Variants in SH2D3C observed in about 807,000 individuals in gnomAD.
SH2D3C encodes SH2 domain containing 3C, also known as SH2 domain-containing protein 3C.
In SH2D3C, 25 loss-of-function variants were observed where a neutral mutation model predicts 75.2. That is an observed-to-expected ratio of 0.33 (90% CI 0.24 to 0.46). SH2D3C has a LOEUF of 0.46. Among genes scored for constraint, SH2D3C ranks in the 20% least tolerant of loss-of-function variants. The pLI is 1.00. For missense variants in SH2D3C, 933 were observed against 1,165.3 expected (o/e 0.80, Z 2.90); for synonymous variants, 450 against 473.7 (o/e 0.95, Z 0.65).
Position 127,754,793 on chromosome 9 carries a change from C to A in SH2D3C, c.556-3493G>T. The A allele has an allele frequency of 2.1e-6, 1 of 479,906 alleles. No individual in the cohort carries two copies. Among genetic ancestry groups the A allele is most frequent in the South Asian group, 1.5e-5 (1 of 64,536 alleles). 29.7% of individuals were successfully genotyped at this position (479,906 alleles called of 1,614,324 possible). On this transcript the variant is annotated intron_variant, in intron 3 of 11. Transcript: ENST00000314830. The surrounding 1 kb of genome is among the most constrained non-coding windows in gnomAD (Gnocchi z 4.4). ...CGGAGACCCCATCTCCCAGTCCCCC[C>A]TGCCCCAGCTCTCTCCCTCCTGCGG...
In SH2D3C at chr9:127,749,108, C is replaced by T; in HGVS notation, c.1139+103G>A. ...CATTCCTCCCTGCACACAGAGGCTC[C>T]AGGAGAGTAATTTCATCCCATTTCA... On this transcript the variant is annotated intron_variant, in intron 5 of 11. Coordinates refer to ENST00000314830, the MANE Select transcript of SH2D3C (RefSeq NM_170600.3). This position sits in a 1 kb window ranked among gnomAD's most constrained non-coding sequence, Gnocchi z 5.9. 1.1e-6 allele frequency: 1 copy of T among 884,576 alleles called. No homozygotes were observed. Among genetic ancestry groups the T allele is most frequent in the Non-Finnish European group, 1.7e-6 (1 of 574,640 alleles). The allele number at this position is 884,576 out of a possible 1,614,324, so 54.8% of individuals were successfully genotyped here.
intron 3 of SH2D3C, among the ~76,000 whole-genome samples, chr9:127,753,092 G>C (rs4837180): frequency 6.6e-6 from 1 of 152,080 alleles, no homozygotes; most frequent in Non-Finnish European, 1.5e-5. Flanking sequence ...GGGCTGTGGG[G>C]GCAGGGGCAG....
At chr9:127,764,000 G>C (rs2131797058) in intron 2 of SH2D3C, among the ~76,000 whole-genome samples, 1 of 152,262 alleles carries the variant, frequency 6.6e-6, no homozygotes, top group East Asian at 1.9e-4. Context: ...ACTCTTCCCG[G>C]GTGAGGCATC....
At chr9:127,771,538 G>T (rs1425867639) in intron 2 of SH2D3C, 2 of 394,042 alleles carry the variant, frequency 5.1e-6, no homozygotes, top group Non-Finnish European at 8.6e-6. Context: ...TCGCCCGCCC[G>T]GCTCCAACGC....
At chr9:127,742,767 G>A in intron 8 of SH2D3C, 82 bp downstream of exon 8, 1 of 1,073,746 alleles carries the variant, frequency 9.3e-7, no homozygotes, top group Non-Finnish European at 1.3e-6. Flanking sequence ...CTGAGGCTGT[G>A]ATTGGCCAAC....
intron 3 of SH2D3C, among the ~76,000 whole-genome samples, chr9:127,757,003 C>T (rs995898341): frequency 6.6e-6 from 1 of 151,918 alleles, no homozygotes; most frequent in Non-Finnish European, 1.5e-5. Flanking sequence ...GATCTTGGCT[C>T]ACTGCAATCT....
intron 6 of SH2D3C, among the ~76,000 whole-genome samples, 193 bp downstream of exon 6, chr9:127,746,954 A>G (rs1845047947): frequency 6.6e-6 from 1 of 152,256 alleles, no homozygotes; most frequent in Non-Finnish European, 1.5e-5. Flanking sequence ...ATAGTTGCTA[A>G]ATAAACAAAC....
At chr9:127,760,871 T>C (rs79650150) in intron 3 of SH2D3C, among the ~76,000 whole-genome samples, 1 of 152,100 alleles carries the variant, frequency 6.6e-6, no homozygotes, top group Non-Finnish European at 1.5e-5. Context: ...TCTTTTTTTT[T>C]CTTTTTTCCC....
intron 5 of SH2D3C, among the ~76,000 whole-genome samples, chr9:127,748,994 G>A (rs79267888): frequency 0.029 from 4,363 of 152,266 alleles, 80 homozygotes; most frequent in African/African-American, 0.048. Context: ...CATGGCCAGC[G>A]AGTGGCAGAG....
Position 127,751,238 on chromosome 9 carries a change from C to T in SH2D3C, c.618G>A (p.Glu206=), listed in dbSNP as rs1845193868. The T allele has an allele frequency of 6.2e-7, 1 of 1,614,030 alleles. No homozygotes were observed. Among genetic ancestry groups the T allele is most frequent in the Non-Finnish European group, 8.5e-7 (1 of 1,179,850 alleles). ...GATCCGTGCTGCTGAGTTTGAGCTC[C>T]TCCTCCAATTCCTTGTGGAGTTTCT... ...SPEKLHKELE[E]ELKLSSTDLR... Residue 206 remains glutamate, a synonymous_variant, in exon 4 of 12, where the codon GAG becomes GAA. Coordinates refer to ENST00000314830, the MANE Select transcript of SH2D3C (RefSeq NM_170600.3). This position sits in a 1 kb window ranked among gnomAD's most constrained non-coding sequence, Gnocchi z 4.1.
chr9:127,778,609 T>C lies in SH2D3C; in HGVS notation c.19A>G (p.Lys7Glu). 6.2e-7 allele frequency: 1 copy of C among 1,614,028 alleles called. No homozygotes were observed. The highest frequency in any genetic ancestry group is 8.5e-7 in the Non-Finnish European group (1 of 1,179,888). MTEGTK[K>E]TSKKFKFFKF... ...CACTCACTGAACTTTTTGCTGGTCTTCTTGGTCCCCTCTGTCATCTTGGCA... is the reference window on the plus strand; with the variant it reads ...CACTCACTGAACTTTTTGCTGGTCTCCTTGGTCCCCTCTGTCATCTTGGCA... Residue 7 changes from lysine to glutamate, a missense_variant, in exon 1 of 12, where the codon AAG (lysine) becomes GAG (glutamate). Transcript: ENST00000314830.
intron 3 of SH2D3C, among the ~76,000 whole-genome samples, chr9:127,755,540 C>G (rs1005806204): frequency 6.6e-6 from 1 of 152,172 alleles, no homozygotes; most frequent in East Asian, 1.9e-4. Context: ...CTGCCTCCCC[C>G]ACTCGCCGCA....
intron 2 of SH2D3C, chr9:127,771,460 G>T: frequency 9.6e-7 from 1 of 1,046,562 alleles, no homozygotes; most frequent in Non-Finnish European, 1.3e-6. Context: ...TCCGCCTGCG[G>T]TCTCGCTCCG....
Position 127,740,270 on chromosome 9 carries a change from T to C in SH2D3C, c.2188A>G (p.Asn730Asp). The change falls in exon 10 of 12, where the codon AAC becomes GAC. Residue 730 changes from asparagine to aspartate, a missense_variant. Transcript: ENST00000314830. The part of the protein sequence containing the change: ...KKLKPFLKSL[N>D]EGKEGPPLSN... The stretch of plus-strand genomic sequence containing the variant: ...AACAAGGAAGTACCTTTGCCCTCGT[T>C]GAGGCTCTTGAGAAAAGGCTTGAGC... The C allele has an allele frequency of 6.2e-7, 1 of 1,613,950 alleles. No individual in the cohort carries two copies. The highest frequency in any genetic ancestry group is 1.1e-5 in the South Asian group (1 of 91,070).
intron 4 of SH2D3C, among the ~76,000 whole-genome samples, chr9:127,750,222 C>A (rs1055967841): frequency 2.0e-5 from 3 of 151,682 alleles, no homozygotes; most frequent in African/African-American, 7.3e-5. Flanking sequence ...AGTGAGGTGG[C>A]ACACTCACTG....
Position 127,739,878 on chromosome 9 carries a change from C to A in SH2D3C, c.2211G>T (p.Pro737=). The change falls in exon 11 of 12, where the codon CCG becomes CCT. Residue 737 remains proline (P), a synonymous_variant. Transcript: ENST00000314830. This position sits in a 1 kb window ranked among gnomAD's most constrained non-coding sequence, Gnocchi z 4.3. ...KSLNEGKEGP[P]LSNTTFPHVL... ...CATGAGGAAACGTGGTGTTGCTCAG[C>A]GGCGGGCCTTCTGCAAGGAGAAAGG... 6.5e-7 allele frequency: 1 copy of A among 1,529,406 alleles called. No homozygotes were observed. The highest frequency in any genetic ancestry group is 1.2e-5 in the South Asian group (1 of 82,614). The allele number at this position is 1,529,406 out of a possible 1,614,324, so 94.7% of individuals were successfully genotyped here.
chr9:127,763,530 G>T (rs762509517), intron 2 of SH2D3C, among the ~76,000 whole-genome samples: 1 of 152,146 alleles, frequency 6.6e-6, no homozygotes, highest in East Asian at 1.9e-4. Context: ...TTGAAAGAAA[G>T]AAATATTGCT....
chr9:127,755,295 G>C (rs1014015768), intron 3 of SH2D3C: 2 of 958,900 alleles, frequency 2.1e-6, no homozygotes, highest in African/African-American at 1.8e-5. Flanking sequence ...CTTGTCGGGG[G>C]AGGAGCGGGG....
Position 127,742,980 on chromosome 9 carries a change from G to A in SH2D3C, c.1801-16C>T, listed in dbSNP as rs764165148. ...TCCTAGCAACCTGCAAAGACGCCCA[G>A]AGGGCTGATTAATATCCTGTCAGGG... is the stretch of plus-strand genomic sequence containing the variant. On this transcript the variant is annotated splice_polypyrimidine_tract_variant and intron_variant, in intron 7 of 11. Transcript: ENST00000314830. The A allele has an allele frequency of 2.5e-6, 4 of 1,590,642 alleles. No individual in the cohort carries two copies. The highest frequency in any genetic ancestry group is 2.7e-5 in the African/African-American group (2 of 74,454).
Sources: allele counts gnomAD v4.1 joint callset (sites outside exome capture counted in the v4.1 genomes callset), GRCh38; gene constraint gnomAD v4.1.1; non-coding constraint Gnocchi (gnomAD v3.1); transcripts MANE v1.5; gene names NCBI Gene and HGNC (gene_info 2026-07-23, HGNC 2026-07-21).